The following ADCY1 variants were observed in gnomAD, a reference collection of about 807,000 sequenced individuals.
ADCY1 encodes the protein adenylate cyclase type 1.
A neutral mutation model predicts 105.4 loss-of-function variants in ADCY1; 28 were observed. The observed-to-expected ratio is 0.27, with a 90% CI of 0.20 to 0.36. ADCY1 has a LOEUF of 0.36. ADCY1 is among the 10% of genes least tolerant of loss of function. The probability of loss-of-function intolerance (pLI) is 1.00; values close to 1 mark genes in which losing one functional copy is unlikely to be tolerated. For missense variants in ADCY1, 977 were observed against 1,434.2 expected (o/e 0.68, Z 5.15); for synonymous variants, 655 against 623.8 (o/e 1.05, Z -0.75).
rs769195430 is a variant in ADCY1 at position 45,679,701 on chromosome 7, TC to T, written c.1899-3del. ...CTATCAGTGACTCTCATGTTTTCTG[TC>T]CCCCAGGAGTGTGGTCGTCCTGCTC... On this transcript the variant is annotated splice_polypyrimidine_tract_variant and splice_region_variant and intron_variant, in intron 10 of 19. Transcript: ENST00000297323. 1.9e-6 allele frequency: 3 copies of T among 1,614,158 alleles called. No individual in the cohort carries two copies. The highest frequency in any genetic ancestry group is 2.5e-6 in the Non-Finnish European group (3 of 1,179,992).
At chr7:45,630,277 T>G (rs979077766) in intron 4 of ADCY1, among the ~76,000 whole-genome samples, 1 of 152,208 alleles carries the variant, frequency 6.6e-6, no homozygotes, top group Non-Finnish European at 1.5e-5. Flanking sequence ...AAGTCCAGTT[T>G]ATCAGTTTTT....
intron 4 of ADCY1, among the ~76,000 whole-genome samples, chr7:45,646,945 G>A (rs1794679492): frequency 6.6e-6 from 1 of 152,228 alleles, no homozygotes; most frequent in African/African-American, 2.4e-5. Context: ...TTACAAGGCT[G>A]GCCTCAGTGT....
rs756152113 is a variant in ADCY1, at chr7:45,685,085, T to C, written c.2073+17T>C. ...GGTTGTGTGGTGAGCATCTCCAGCT[T>C]GTGGCATGCGCTGGGGCGGGAGAGG... On this transcript the variant is annotated intron_variant, in intron 12 of 19. Transcript: ENST00000297323. The C allele has an allele frequency of 1.2e-6, 2 of 1,608,212 alleles. No individual in the cohort carries two copies. Among genetic ancestry groups the C allele is most frequent in the South Asian group, 2.2e-5 (2 of 90,934 alleles).
At chr7:45,656,703 G>A (rs554570735) in intron 5 of ADCY1, among the ~76,000 whole-genome samples, 31 of 152,334 alleles carry the variant, frequency 2.0e-4, no homozygotes, top group African/African-American at 7.2e-4. Context: ...TCGGGTGGGT[G>A]GCACAGCCTT....
rs1310741200 is a variant in ADCY1 at position 45,574,415 on chromosome 7, C to CCGCCCCGCGCCCCG, written c.-121_-108dup. The CCGCCCCGCGCCCCG allele has an allele frequency of 1.4e-5, 2 of 145,006 alleles. No homozygotes were observed. The highest frequency in any genetic ancestry group is 5.0e-5 in the African/African-American group (2 of 39,844). 9.0% of individuals were successfully genotyped at this position (145,006 alleles called of 1,614,324 possible). ...GGGGCAGCCGGCGCCCCAACTCCGC[C>CCGCCCCGCGCCCCG]CGCCCCGCGCCCCGCGCCCCGGCGC... On this transcript the variant is annotated 5_prime_UTR_variant, in exon 1 of 20. Coordinates refer to ENST00000297323, the MANE Select transcript of ADCY1 (RefSeq NM_021116.4). The surrounding 1 kb of genome is among the most constrained non-coding windows in gnomAD (Gnocchi z 7.0).
intron 6 of ADCY1, among the ~76,000 whole-genome samples, chr7:45,658,484 T>C (rs1028541042): frequency 4.6e-5 from 7 of 152,138 alleles, no homozygotes; most frequent in Non-Finnish European, 8.8e-5. Context: ...TTTTGTATGA[T>C]CTCGCAGTGG....
chr7:45,646,696 C>T (rs1285528213), intron 4 of ADCY1, among the ~76,000 whole-genome samples: 1 of 152,230 alleles, frequency 6.6e-6, no homozygotes, highest in East Asian at 1.9e-4. Context: ...GCCACAGGCT[C>T]ATGTCAGCTG....
At chr7:45,657,277 C>T (rs1171401926) in intron 5 of ADCY1, among the ~76,000 whole-genome samples, 1 of 152,270 alleles carries the variant, frequency 6.6e-6, no homozygotes, top group African/African-American at 2.4e-5. Flanking sequence ...TGGATGTTTC[C>T]AGCAGGTTGT....
chr7:45,672,785 G>A (rs1784389397), intron 8 of ADCY1, among the ~76,000 whole-genome samples: 1 of 151,790 alleles, frequency 6.6e-6, no homozygotes, highest in African/African-American at 2.4e-5. Context: ...TTTCCCATCT[G>A]TATGCCTTTT....
At chr7:45,657,518 AC>A (rs1454472587) in intron 5 of ADCY1, among the ~76,000 whole-genome samples, 2 of 152,114 alleles carry the variant, frequency 1.3e-5, no homozygotes, top group Non-Finnish European at 2.9e-5. Flanking sequence ...GGCCAGAGCC[AC>A]CCCTCCTGCC....
intron 4 of ADCY1, among the ~76,000 whole-genome samples, chr7:45,643,807 T>C (rs1794586927): frequency 1.3e-5 from 2 of 152,308 alleles, no homozygotes; most frequent in Admixed American, 1.3e-4. Context: ...CCTTTTGGTT[T>C]CTTTTTGATG....
chr7:45,574,692 G>A lies in ADCY1; in HGVS notation c.149G>A (p.Arg50His). ...FACPELEALF[R>H]GYTLRLEQAA... ...TGCCCAGAGCTGGAGGCGCTGTTCC[G>A]CGGCTACACGCTGCGGCTGGAGCAG... Residue 50 changes from arginine (R) to histidine (H), a missense_variant, in exon 1 of 20, where the codon CGC becomes CAC. By Grantham distance (29) the Arg-to-His change is conservative. This residue lies in a region of ADCY1 where 209 missense variants were observed against 222.5 expected (regional missense o/e 0.94). Coordinates refer to ENST00000297323, the MANE Select transcript of ADCY1 (RefSeq NM_021116.4). This position sits in a 1 kb window ranked among gnomAD's most constrained non-coding sequence, Gnocchi z 7.0. 1 of 1,395,560 alleles carries A rather than the reference G, an allele frequency of 7.2e-7. No homozygotes were observed. Among genetic ancestry groups the A allele is most frequent in the Non-Finnish European group, 9.3e-7 (1 of 1,079,856 alleles). 86.4% of individuals were successfully genotyped at this position (1,395,560 alleles called of 1,614,324 possible).
intron 19 of ADCY1, among the ~76,000 whole-genome samples, chr7:45,711,900 T>C (rs1392736646): frequency 6.6e-5 from 4 of 60,838 alleles, no homozygotes; most frequent in African/African-American, 1.3e-4. Context: ...TTATATATTA[T>C]ATTAAATATA....
chr7:45,676,964 A>T lies in ADCY1; in HGVS notation c.1606-905A>T, dbSNP rs563635320. Among the ~76,000 whole-genome samples the T allele has an allele frequency of 1.5e-3, 233 of 150,362 alleles. 2 individuals carry two copies. The highest frequency in any genetic ancestry group is 5.4e-3 in the African/African-American group (220 of 40,610). ...CAACAGGCTTTTTTGTAGGGGCTTT[A>T]AAAAAGTTGATCTGTATCCAGTGGC... On this transcript the variant is annotated intron_variant, in intron 8 of 19. Transcript: ENST00000297323.
At chr7:45,589,588 G>A (rs1792846844) in intron 1 of ADCY1, among the ~76,000 whole-genome samples, 1 of 152,128 alleles carries the variant, frequency 6.6e-6, no homozygotes, top group South Asian at 2.1e-4. Context: ...CAGACCTTGG[G>A]GACAGGTTTG....
Position 45,668,605 on chromosome 7 carries a change from T to C in ADCY1, c.1605+6391T>C, listed in dbSNP as rs532773965. 7.2e-5 allele frequency among the ~76,000 whole-genome samples: 11 copies of C among 152,218 alleles called. No individual in the cohort carries two copies. In the South Asian group the frequency reaches 8.3e-4, roughly 11 times the overall value. ...CTAAAATTCTCTTTTTTTTGTTGTG[T>C]CTTTGCCAGGCTTTGGTATCAGGAT... is the stretch of plus-strand genomic sequence containing the variant. On this transcript the variant is annotated intron_variant, in intron 8 of 19. Coordinates refer to ENST00000297323, the MANE Select transcript of ADCY1 (RefSeq NM_021116.4).
intron 17 of ADCY1, among the ~76,000 whole-genome samples, chr7:45,706,226 C>T (rs1010748651): frequency 4.6e-5 from 7 of 152,090 alleles, no homozygotes; most frequent in African/African-American, 1.7e-4. Flanking sequence ...TAAAAAGACA[C>T]AGAATAGTCA....
chr7:45,667,218 A>G (rs1784279498), intron 8 of ADCY1, among the ~76,000 whole-genome samples: 1 of 152,156 alleles, frequency 6.6e-6, no homozygotes, highest in Non-Finnish European at 1.5e-5. Context: ...CTATGTCCTG[A>G]ATGGTATTGC....
rs553166355 is a variant in ADCY1 at position 45,722,023 on chromosome 7, G to C, written c.*8028G>C. 1 of 392,412 alleles carries C rather than the reference G, an allele frequency of 2.5e-6. No homozygotes were observed. The highest frequency in any genetic ancestry group is 4.5e-6 in the Non-Finnish European group (1 of 222,438). 24.3% of individuals were successfully genotyped at this position (392,412 alleles called of 1,614,324 possible). A position where few individuals can be genotyped will look rare whatever the true frequency, so the allele number is the denominator to read the frequency against. ...CTGCCTGTGGGCATCCACCTCCCAG[G>C]TGAGGGCAGTGGGAAGCTGGCCCGA... On this transcript the variant is annotated 3_prime_UTR_variant, in exon 20 of 20. Coordinates refer to ENST00000297323, the MANE Select transcript of ADCY1 (RefSeq NM_021116.4).
Sources: allele counts gnomAD v4.1 joint callset (sites outside exome capture counted in the v4.1 genomes callset), GRCh38; gene constraint gnomAD v4.1.1; regional missense constraint gnomAD v4.1.1; non-coding constraint Gnocchi (gnomAD v3.1); transcripts MANE v1.5; gene names NCBI Gene and HGNC (gene_info 2026-07-23, HGNC 2026-07-21).